Variants in CCDC40 observed in about 807,000 individuals in gnomAD.
CCDC40 encodes the protein coiled-coil domain 40 molecular ruler complex subunit, also known as coiled-coil domain-containing protein 40.
Under a neutral mutation model 124.5 loss-of-function variants are expected in CCDC40, and 104 were observed. The ratio of observed to expected loss-of-function variants is 0.84; its 90% CI spans 0.71 to 0.98. The LOEUF (loss-of-function observed/expected upper bound fraction) is 0.98. Among genes scored for constraint, CCDC40 ranks in the 50% least tolerant of loss-of-function variants. CCDC40 has a pLI of 0.00. For synonymous variants in CCDC40, 580 were observed against 602.9 expected (o/e 0.96, Z 0.56); for missense variants, 1,463 against 1,503.9 (o/e 0.97, Z 0.45).
At chr17:80,037,011 C>G (rs1317486904) in intron 1 of CCDC40, among the ~76,000 whole-genome samples, 1 of 152,210 alleles carries the variant, frequency 6.6e-6, no homozygotes, top group Non-Finnish European at 1.5e-5. Flanking sequence ...GGCAACCACT[C>G]TGCGTGGCGG....
chr17:80,083,521 G>A lies in CCDC40; in HGVS notation c.1990-1222G>A, dbSNP rs376674185. ...AAGGCCTTGTGTGGCAGGAGCCGAC[G>A]GGCAGGGGTGCTCAGGGCAGACACA... On this transcript the variant is annotated intron_variant, in intron 12 of 19. Transcript: ENST00000397545. 4.6e-5 allele frequency among the ~76,000 whole-genome samples: 7 copies of A among 152,212 alleles called. No homozygotes were observed. The East Asian group carries it at 5.8e-4, about 13-fold the overall frequency.
At chr17:80,083,224 G>A (rs1049338890) in intron 12 of CCDC40, among the ~76,000 whole-genome samples, 2 of 152,114 alleles carry the variant, frequency 1.3e-5, no homozygotes, top group Middle Eastern at 3.4e-3. Flanking sequence ...TGGGGAGGGG[G>A]GAGGCAGGGA....
intron 10 of CCDC40, among the ~76,000 whole-genome samples, chr17:80,080,283 C>A (rs74819244): frequency 4.6e-5 from 7 of 152,134 alleles, no homozygotes; most frequent in Admixed American, 3.3e-4. Flanking sequence ...CTCACACACA[C>A]AAAATTCAAA....
chr17:80,052,333 A>G (rs1415383789), intron 7 of CCDC40, among the ~76,000 whole-genome samples: 1 of 152,198 alleles, frequency 6.6e-6, no homozygotes, highest in African/African-American at 2.4e-5. Context: ...GGAAGCATCC[A>G]GCACAGGAGA....
chr17:80,090,427 ATGAACAACACAGGACACACACAAGCACG>A, intron 17 of CCDC40: 1 of 197,014 alleles, frequency 5.1e-6, no homozygotes, highest in Admixed American at 7.2e-5. Context: ...CAGCACGTGC[ATGAACAACACAGGACACACACAAGCACG>A]TGCATGAACA....
At chr17:80,052,048 C>T (rs931327404) in intron 7 of CCDC40, among the ~76,000 whole-genome samples, 1 of 152,334 alleles carries the variant, frequency 6.6e-6, no homozygotes, top group South Asian at 2.1e-4. Flanking sequence ...CGGCCCTGAC[C>T]GGGGGGCAGC....
At chr17:80,065,714 G>T (rs1327861370) in intron 10 of CCDC40, 108 bp downstream of exon 10, 3 of 1,459,010 alleles carry the variant, frequency 2.1e-6, no homozygotes, top group East Asian at 2.3e-5. Context: ...GGGACAGAGG[G>T]TGCACCTTGA....
At chr17:80,097,121 T>G (rs1285175360) in intron 18 of CCDC40, 124 bp from the exon 19 acceptor site, 2 of 1,089,860 alleles carry the variant, frequency 1.8e-6, no homozygotes, top group Non-Finnish European at 2.8e-6. Context: ...CTCCCATTCC[T>G]CTTTGGGAGC....
chr17:80,069,292 T>C (rs992200587), intron 10 of CCDC40, among the ~76,000 whole-genome samples: 7 of 152,180 alleles, frequency 4.6e-5, no homozygotes, highest in African/African-American at 1.7e-4. Flanking sequence ...CTTGCCCCCG[T>C]GTCTCATACA....
chr17:80,049,501 G>T (rs2037522811), intron 5 of CCDC40, among the ~76,000 whole-genome samples: 1 of 151,984 alleles, frequency 6.6e-6, no homozygotes, highest in African/African-American at 2.4e-5. Context: ...GGCACCAATT[G>T]GATCGCAGCT....
intron 13 of CCDC40, 54 bp downstream of exon 13, chr17:80,085,042 G>A: frequency 1.2e-6 from 2 of 1,602,316 alleles, no homozygotes; most frequent in Non-Finnish European, 8.5e-7. Context: ...TGCCTGGTGG[G>A]GCAGAGCCCC....
rs1176522906 is a variant in CCDC40, at chr17:80,076,792, C to G, written c.1563-4754C>G. 2.0e-5 allele frequency among the ~76,000 whole-genome samples: 3 copies of G among 151,820 alleles called. No individual in the cohort carries two copies. The East Asian group carries it at 5.8e-4, about 29-fold the overall frequency. The stretch of plus-strand genomic sequence containing the variant: ...ATAGAGTCTCATTCCATTACCCAGG[C>G]TGGAGTGCAGTGGTGTGATCTCAGC... On this transcript the variant is annotated intron_variant, in intron 10 of 19. Coordinates refer to ENST00000397545, the MANE Select transcript of CCDC40 (RefSeq NM_017950.4).
chr17:80,058,561 G>T lies in CCDC40; in HGVS notation c.1227G>T (p.Gln409His). The T allele has an allele frequency of 6.2e-7, 1 of 1,614,174 alleles. No individual in the cohort carries two copies. Among genetic ancestry groups the T allele is most frequent in the Non-Finnish European group, 8.5e-7 (1 of 1,180,016 alleles). Reference sequence around the variant, plus strand: ...TCTTCTACATGCAGAACATCGACCAGGACATGCGTGACGACATCCGCGTGA... The same window carrying T: ...TCTTCTACATGCAGAACATCGACCATGACATGCGTGACGACATCCGCGTGA... The part of the protein sequence containing the change: ...LHLFYMQNID[Q>H]DMRDDIRVMT... The change falls in exon 8 of 20, where the codon CAG (glutamine) becomes CAT (histidine). Residue 409 changes from glutamine to histidine, a missense_variant. By Grantham distance (24) the Gln-to-His change is conservative. Transcript: ENST00000397545. The surrounding 1 kb of genome is among the most constrained non-coding windows in gnomAD (Gnocchi z 4.2).
intron 13 of CCDC40, among the ~76,000 whole-genome samples, chr17:80,085,500 G>A (rs905941858): frequency 6.6e-6 from 1 of 152,126 alleles, no homozygotes; most frequent in African/African-American, 2.4e-5. Context: ...GCTAGAGGGG[G>A]CTCCAGAGCC....
intron 9 of CCDC40, among the ~76,000 whole-genome samples, chr17:80,063,970 A>G (rs182095734): frequency 6.6e-6 from 1 of 152,364 alleles, no homozygotes; most frequent in Non-Finnish European, 1.5e-5. Flanking sequence ...CCAGAGATAT[A>G]CAGCTGTAAC....
At chr17:80,065,311 C>G (rs1352051268) in intron 9 of CCDC40, among the ~76,000 whole-genome samples, 174 bp from the exon 10 acceptor site, 2 of 147,322 alleles carry the variant, frequency 1.4e-5, no homozygotes, top group African/African-American at 5.0e-5. Context: ...TACGGGTTAT[C>G]TTGAAAGCTA....
At chr17:80,071,060 T>C (rs2038174460) in intron 10 of CCDC40, among the ~76,000 whole-genome samples, 2 of 152,072 alleles carry the variant, frequency 1.3e-5, no homozygotes, top group African/African-American at 4.8e-5. Flanking sequence ...CAAAGCTAGG[T>C]GAATAACCAC....
Position 80,058,764 on chromosome 17 carries a change from C to T in CCDC40, c.1318-94C>T. The stretch of plus-strand genomic sequence containing the variant: ...TCCGGCCGGAGGGGTGGCGGCCGGC[C>T]TGGGTGGCGTCAACTTGTATCAAGG... On this transcript the variant is annotated intron_variant, in intron 8 of 19. Transcript: ENST00000397545. This position sits in a 1 kb window ranked among gnomAD's most constrained non-coding sequence, Gnocchi z 4.2. 1.9e-6 allele frequency: 3 copies of T among 1,607,124 alleles called. No homozygotes were observed. The highest frequency in any genetic ancestry group is 2.2e-5 in the South Asian group (2 of 90,838).
intron 7 of CCDC40, among the ~76,000 whole-genome samples, chr17:80,051,047 A>G (rs1302575156): frequency 6.6e-6 from 1 of 152,220 alleles, no homozygotes; most frequent in Admixed American, 6.5e-5. Context: ...GTGCTATGCA[A>G]CATTACCGAT....
Sources: allele counts gnomAD v4.1 joint callset (sites outside exome capture counted in the v4.1 genomes callset), GRCh38; gene constraint gnomAD v4.1.1; non-coding constraint Gnocchi (gnomAD v3.1); transcripts MANE v1.5; gene names NCBI Gene and HGNC (gene_info 2026-07-23, HGNC 2026-07-21).